PRKAR1A: variants seen among roughly 807,000 people sequenced by gnomAD.
PRKAR1A encodes the protein cAMP-dependent protein kinase type I-alpha regulatory subunit.
Under a neutral mutation model 52.0 loss-of-function variants are expected in PRKAR1A, and 3 were observed. The ratio of observed to expected loss-of-function variants is 0.06; its 90% CI spans 0.03 to 0.15. The LOEUF (loss-of-function observed/expected upper bound fraction) is 0.15, where lower values mean the gene tolerates loss of function less well. Ranked by LOEUF, PRKAR1A falls within the 10% of genes least tolerant of loss-of-function variation. PRKAR1A has a pLI of 1.00. For synonymous variants in PRKAR1A, 188 were observed against 168.4 expected (o/e 1.12, Z -0.90); for missense variants, 240 against 477.4 (o/e 0.50, Z 4.63).
At chr17:68,499,814 G>T in the PRKAR1A span, among the ~76,000 whole-genome samples, 3 of 152,230 alleles carry the variant, frequency 2.0e-5, no homozygotes, top group African/African-American at 7.2e-5. Context: ...CCAGCCAGTG[G>T]TGTAGGTGAA....
the PRKAR1A span, among the ~76,000 whole-genome samples, chr17:68,499,368 AAGAGAGAGAGAGAGAG>A: frequency 9.2e-3 from 1,294 of 140,486 alleles, 16 homozygotes; most frequent in African/African-American, 0.032. Context: ...AAGGGAGGAA[AAGAGAGAGAGAGAGAG>A]AGAGAGAGAG....
the PRKAR1A span, chr17:68,426,310 T>G: frequency 1.4e-6 from 1 of 712,866 alleles, no homozygotes; most frequent in Non-Finnish European, 2.4e-6. Context: ...CTGGAGGTAC[T>G]GTGCCTAGGA....
At chr17:68,450,948 G>A in the PRKAR1A span, 2 of 1,572,500 alleles carry the variant, frequency 1.3e-6, no homozygotes, top group South Asian at 2.4e-5. Flanking sequence ...CTTCCAAGAA[G>A]GATTCCAGCC....
chr17:68,417,648 A>T, the PRKAR1A span, among the ~76,000 whole-genome samples: 1 of 130,486 alleles, frequency 7.7e-6, no homozygotes, highest in Admixed American at 8.6e-5. Context: ...GATTGTTTCT[A>T]TTTGCTTGTC....
At chr17:68,537,649 T>C, downstream of PRKAR1A, 1 of 1,613,890 alleles carries the variant, frequency 6.2e-7, no homozygotes. This position sits in a 1 kb window ranked among gnomAD's most constrained non-coding sequence, Gnocchi z 4.2. Flanking sequence ...AGGGCTGAGC[T>C]GGTCTTCCAG....
chr17:68,542,911 C>A (rs963105823), intron 11 of PRKAR1A: 1 of 901,826 alleles, frequency 1.1e-6, no homozygotes, highest in East Asian at 2.5e-5. Context: ...GCTGGTGTAC[C>A]CAGGAGGGTG....
the PRKAR1A span, among the ~76,000 whole-genome samples, chr17:68,486,471 CTCCTTCCT>C: frequency 4.0e-3 from 391 of 97,574 alleles, 13 homozygotes; most frequent in African/African-American, 0.015. Flanking sequence ...CTTTCTTTCT[CTCCTTCCT>C]TCCTTCCTTC....
downstream of PRKAR1A, chr17:68,536,325 T>G (rs1359984136): frequency 2.2e-6 from 1 of 454,088 alleles, no homozygotes; most frequent in Admixed American, 2.3e-5. Context: ...GTTGACTGAC[T>G]AGTCACTCCA....
At chr17:68,448,173 T>C in the PRKAR1A span, 1 of 152,082 alleles carries the variant, frequency 6.6e-6, no homozygotes, top group South Asian at 2.1e-4. Flanking sequence ...TTCCCCAGAG[T>C]GGGCAGTCCT....
At chr17:68,484,398 T>C in the PRKAR1A span, among the ~76,000 whole-genome samples, 1 of 152,196 alleles carries the variant, frequency 6.6e-6, no homozygotes, top group Non-Finnish European at 1.5e-5. Flanking sequence ...AGAAATTCAA[T>C]TAATTTTTTT....
At chr17:68,455,406 C>A in the PRKAR1A span, among the ~76,000 whole-genome samples, 7 of 149,466 alleles carry the variant, frequency 4.7e-5, no homozygotes, top group African/African-American at 1.7e-4. Flanking sequence ...AGCACAAGTA[C>A]CAATCACGAA....
downstream of PRKAR1A, chr17:68,535,244 T>C (rs2086067983): frequency 4.4e-6 from 2 of 451,174 alleles, no homozygotes; most frequent in African/African-American, 4.0e-5. Flanking sequence ...ATTTTGTTAC[T>C]AATCAAAAAG....
At chr17:68,438,714 T>G in the PRKAR1A span, among the ~76,000 whole-genome samples, 307 of 152,300 alleles carry the variant, frequency 2.0e-3, 2 homozygotes, top group African/African-American at 6.9e-3. Flanking sequence ...GATTCTCCTG[T>G]CTCAGCCTGC....
At chr17:68,451,420 A>C in the PRKAR1A span, among the ~76,000 whole-genome samples, 1 of 152,200 alleles carries the variant, frequency 6.6e-6, no homozygotes, top group Non-Finnish European at 1.5e-5. Flanking sequence ...GGCGACAAGC[A>C]AGACTCCGTC....
At chr17:68,539,520 G>T (rs1600516499) in intron 11 of PRKAR1A, 8 of 841,112 alleles carry the variant, frequency 9.5e-6, no homozygotes, top group Non-Finnish European at 1.6e-5. Flanking sequence ...GATCATGGCA[G>T]CTGCCTCTCC....
At chr17:68,486,482 CTT>C in the PRKAR1A span, among the ~76,000 whole-genome samples, 1 of 73,852 alleles carries the variant, frequency 1.4e-5, no homozygotes, top group Non-Finnish European at 2.5e-5. Flanking sequence ...TCCTTCCTTC[CTT>C]CCTTCCTTCC....
intron 2 of PRKAR1A, among the ~76,000 whole-genome samples, chr17:68,517,680 G>C (rs1021209612): frequency 1.3e-5 from 2 of 152,160 alleles, no homozygotes; most frequent in African/African-American, 4.8e-5. Flanking sequence ...GATGAGATTT[G>C]GGTGTGGACA....
the PRKAR1A span, among the ~76,000 whole-genome samples, chr17:68,437,016 ATG>A: frequency 2.1e-5 from 3 of 144,554 alleles, no homozygotes; most frequent in South Asian, 2.2e-4. Flanking sequence ...ATATATATAT[ATG>A]TGTGTGTGTG....
chr17:68,523,623 TA>T, intron 3 of PRKAR1A, 101 bp from the exon 4 acceptor site: 1 of 894,696 alleles, frequency 1.1e-6, no homozygotes, highest in East Asian at 2.4e-5. Context: ...CAGTCTTGTT[TA>T]AATACCATAA....
Sources: gnomAD v4.1 joint callset for allele counts (sites outside exome capture counted in the v4.1 genomes callset) on GRCh38, gnomAD v4.1.1 for gene constraint, Gnocchi (gnomAD v3.1) non-coding constraint, MANE v1.5 for transcripts, NCBI Gene and HGNC (gene_info 2026-07-23, HGNC 2026-07-21) for gene names.